ANO10: variants seen among roughly 807,000 people sequenced by gnomAD.
ANO10 encodes the protein anoctamin 10.
Under a neutral mutation model 74.7 loss-of-function variants are expected in ANO10, and 77 were observed. The ratio of observed to expected loss-of-function variants is 1.03; its 90% confidence interval spans 0.86 to 1.25. The LOEUF is 1.25. ANO10 is among the 50% of genes most tolerant of loss of function. The pLI is 0.00. For synonymous variants in ANO10, 279 were observed against 284.9 expected (o/e 0.98, Z 0.21); for missense variants, 721 against 778.1 (o/e 0.93, Z 0.87).
chr3:43,431,765 G>C (rs1490284914), intron 12 of ANO10, among the ~76,000 whole-genome samples: 1 of 152,046 alleles, frequency 6.6e-6, no homozygotes, highest in East Asian at 1.9e-4. Context: ...GTATTGGTTT[G>C]ATGTGGGGTT....
intron 11 of ANO10, among the ~76,000 whole-genome samples, chr3:43,475,546 T>G (rs887895627): frequency 1.1e-4 from 17 of 152,136 alleles, no homozygotes; most frequent in Non-Finnish European, 1.8e-4. Flanking sequence ...ATCAATCATT[T>G]TTCTACTGGC....
Position 43,563,830 on chromosome 3 carries a change from G to A in ANO10, c.1293+1823C>T, listed in dbSNP as rs550680778. Among the ~76,000 whole-genome samples the A allele has an allele frequency of 5.9e-5, 9 of 152,204 alleles. No homozygotes were observed. In the South Asian group the frequency reaches 1.0e-3, roughly 18 times the overall value. On this transcript the variant is annotated intron_variant, in intron 8 of 12. Transcript: ENST00000292246. Reference sequence around the variant, plus strand: ...TCTCATAGAGATAGAGTGGGACGACGGTTACCAGAGGCTGGGTGGGTGTGT... The same window carrying A: ...TCTCATAGAGATAGAGTGGGACGACAGTTACCAGAGGCTGGGTGGGTGTGT...
Position 43,366,514 on chromosome 3 carries a change from C to T in ANO10, c.*392G>A, listed in dbSNP as rs1344933269. 2.7e-6 allele frequency: 1 copy of T among 369,688 alleles called. No homozygotes were observed. The highest frequency in any genetic ancestry group is 5.2e-6 in the Non-Finnish European group (1 of 191,450). 22.9% of individuals were successfully genotyped at this position (369,688 alleles called of 1,614,324 possible). On this transcript the variant is annotated 3_prime_UTR_variant, in exon 13 of 13. Transcript: ENST00000292246. ...TGAGCACAGTGGGCACACACCCCAT[C>T]CCCAACCTGTCCACGGGTCCCTGGG... is the stretch of plus-strand genomic sequence containing the variant.
intron 12 of ANO10, among the ~76,000 whole-genome samples, chr3:43,389,594 G>T (rs2125713519): frequency 6.6e-6 from 1 of 152,296 alleles, no homozygotes; most frequent in African/African-American, 2.4e-5. Context: ...GTATTGGGTT[G>T]TGTTTATTTT....
At chr3:43,515,307 C>T (rs1324453829) in intron 11 of ANO10, among the ~76,000 whole-genome samples, 3 of 152,138 alleles carry the variant, frequency 2.0e-5, no homozygotes, top group Admixed American at 1.3e-4. Flanking sequence ...GAGCCTCATC[C>T]AATCCACTGA....
chr3:43,676,807 GA>G (rs1028756622), intron 1 of ANO10, among the ~76,000 whole-genome samples: 3 of 151,606 alleles, frequency 2.0e-5, no homozygotes, highest in African/African-American at 7.3e-5. Context: ...AAGACTTTGT[GA>G]AAAAAATCTT....
At position 43,449,974 on chromosome 3, in the gene ANO10, GTTT is replaced by G. The variant is rs369712101; in HGVS notation, c.1798-17250_1798-17248del. ...TGATTTCTGTCAGTAGAGTTTAGCA[GTTT>G]TTCTCATCTATATTTGTACATTTCT... On this transcript the variant is annotated intron_variant, in intron 11 of 12. Coordinates refer to ENST00000292246, the MANE Select transcript of ANO10 (RefSeq NM_018075.5). Among the ~76,000 whole-genome samples, 171 of 152,174 alleles carry G rather than the reference GTTT, an allele frequency of 1.1e-3. 1 individual carries two copies. Among genetic ancestry groups the G allele is most frequent in the African/African-American group, 4.1e-3 (169 of 41,538 alleles).
chr3:43,491,720 G>A (rs1442775360), intron 11 of ANO10, among the ~76,000 whole-genome samples: 1 of 151,852 alleles, frequency 6.6e-6, no homozygotes, highest in Non-Finnish European at 1.5e-5. Flanking sequence ...TTCTGAAGAG[G>A]CAAGAACTGA....
chr3:43,546,546 A>G (rs2079199516), intron 11 of ANO10, among the ~76,000 whole-genome samples: 1 of 152,202 alleles, frequency 6.6e-6, no homozygotes, highest in Admixed American at 6.5e-5. Flanking sequence ...TTTTCAACAA[A>G]TGGTGCTGGG....
At chr3:43,600,349 T>A in intron 3 of ANO10, 35 bp downstream of exon 3, 5 of 1,610,162 alleles carry the variant, frequency 3.1e-6, no homozygotes, top group Non-Finnish European at 4.2e-6. Context: ...TTTTGATAAA[T>A]GGATTCTAAC....
At chr3:43,570,398 A>G (rs2080637732) in intron 7 of ANO10, among the ~76,000 whole-genome samples, 1 of 151,814 alleles carries the variant, frequency 6.6e-6, no homozygotes, top group Non-Finnish European at 1.5e-5. Context: ...CCAAAAGAAC[A>G]AAGCTGGAGG....
chr3:43,524,405 T>C (rs969462014), intron 11 of ANO10, among the ~76,000 whole-genome samples: 3 of 152,164 alleles, frequency 2.0e-5, no homozygotes, highest in Non-Finnish European at 2.9e-5. Flanking sequence ...GAGAGCTGTC[T>C]ATAAGTGGTA....
At chr3:43,485,628 T>G (rs2076449968) in intron 11 of ANO10, 1 of 202,334 alleles carries the variant, frequency 4.9e-6, no homozygotes, top group East Asian at 1.6e-4. Flanking sequence ...GGACCCCCAG[T>G]AACATTAGCG....
At chr3:43,494,418 A>T (rs1047064322) in intron 11 of ANO10, among the ~76,000 whole-genome samples, 1 of 152,192 alleles carries the variant, frequency 6.6e-6, no homozygotes, top group African/African-American at 2.4e-5. Flanking sequence ...GCGCCATTGC[A>T]CTCTAGCCTG....
chr3:43,521,767 T>C (rs1236445223), intron 11 of ANO10, among the ~76,000 whole-genome samples: 1 of 152,192 alleles, frequency 6.6e-6, no homozygotes, highest in Admixed American at 6.5e-5. Flanking sequence ...AGAATTATCA[T>C]ATGACCCAGT....
intron 7 of ANO10, 123 bp downstream of exon 7, chr3:43,574,686 C>T (rs528115831): frequency 2.5e-6 from 2 of 786,392 alleles, no homozygotes; most frequent in South Asian, 3.1e-5. Context: ...TCAATCCTTG[C>T]CTATTTGCAC....
At chr3:43,600,201 G>C (rs1351925783) in intron 3 of ANO10, among the ~76,000 whole-genome samples, 183 bp downstream of exon 3, 1 of 152,202 alleles carries the variant, frequency 6.6e-6, no homozygotes, top group African/African-American at 2.4e-5. Context: ...ATGGTCTATG[G>C]CTGCTTTTTT....
At chr3:43,593,274 C>T (rs2081897165) in intron 4 of ANO10, among the ~76,000 whole-genome samples, 1 of 152,164 alleles carries the variant, frequency 6.6e-6, no homozygotes, top group Admixed American at 6.5e-5. Context: ...CAAAGATACT[C>T]CTCAAGAAGA....
At position 43,441,046 on chromosome 3, in the gene ANO10, G is replaced by T. The variant is rs145338082; in HGVS notation, c.1798-8319C>A. On this transcript the variant is annotated intron_variant, in intron 11 of 12. Coordinates refer to ENST00000292246, the MANE Select transcript of ANO10 (RefSeq NM_018075.5). Reference sequence around the variant, plus strand: ...AAACTTATGGGACATAGCAACGACAGTACTAAGAGAGAAGTTTATAGTGGT... The same window carrying T: ...AAACTTATGGGACATAGCAACGACATTACTAAGAGAGAAGTTTATAGTGGT... 5.3e-3 allele frequency among the ~76,000 whole-genome samples: 800 copies of T among 151,988 alleles called. 9 individuals carry two copies. The highest frequency in any genetic ancestry group is 0.018 in the African/African-American group (767 of 41,472).
Sources: gnomAD v4.1 joint callset for allele counts (sites outside exome capture counted in the v4.1 genomes callset) on GRCh38, gnomAD v4.1.1 for gene constraint, MANE v1.5 for transcripts, NCBI Gene and HGNC (gene_info 2026-07-23, HGNC 2026-07-21) for gene names.